TMEM178B: variants seen among roughly 807,000 people sequenced by gnomAD.
TMEM178B encodes the protein transmembrane protein 178B.
In TMEM178B, 5 loss-of-function variants were observed where a neutral mutation model predicts 31.0. The ratio of observed to expected loss-of-function variants is 0.16; its 90% CI spans 0.08 to 0.34. TMEM178B has a LOEUF of 0.34. Among genes scored for constraint, TMEM178B ranks in the 10% least tolerant of loss-of-function variants. The pLI is 1.00. For missense variants in TMEM178B, 275 were observed against 400.3 expected, an observed-to-expected ratio of 0.69 and a Z score of 2.67; for synonymous variants, 164 against 164.0, an observed-to-expected ratio of 1.00 and a Z score of 0.00.
At chr7:141,202,583 A>G (rs1796895592) in intron 1 of TMEM178B, among the ~76,000 whole-genome samples, 1 of 152,266 alleles carries the variant, frequency 6.6e-6, no homozygotes, top group Non-Finnish European at 1.5e-5. Flanking sequence ...AATGCATTTG[A>G]AAGCATTGAA....
chr7:141,436,992 C>T (rs1801556969), intron 2 of TMEM178B, among the ~76,000 whole-genome samples: 1 of 152,128 alleles, frequency 6.6e-6, no homozygotes, highest in African/African-American at 2.4e-5. Context: ...GCCCTGCATG[C>T]AGGGAAAGCT....
intron 2 of TMEM178B, among the ~76,000 whole-genome samples, chr7:141,379,422 C>T (rs1007205327): frequency 8.5e-5 from 13 of 152,124 alleles, no homozygotes; most frequent in Non-Finnish European, 1.5e-4. Flanking sequence ...GAGGCCGAAG[C>T]CGCAGTGAGC....
chr7:141,329,513 C>T (rs1356998057), intron 2 of TMEM178B, among the ~76,000 whole-genome samples: 1 of 152,186 alleles, frequency 6.6e-6, no homozygotes, highest in Non-Finnish European at 1.5e-5. Context: ...GCCTTTTATT[C>T]CTCTTCCACA....
intron 2 of TMEM178B, among the ~76,000 whole-genome samples, chr7:141,219,563 A>G (rs1352631496): frequency 6.6e-6 from 1 of 152,188 alleles, no homozygotes; most frequent in Non-Finnish European, 1.5e-5. Context: ...ACAGCGTGTC[A>G]TCATAGGTTG....
intron 1 of TMEM178B, among the ~76,000 whole-genome samples, chr7:141,116,299 C>T (rs1795317398): frequency 6.6e-6 from 1 of 152,148 alleles, no homozygotes; most frequent in Admixed American, 6.5e-5. Context: ...GTATGTTTCC[C>T]TCTGCCCTGT....
chr7:141,092,873 T>C (rs1483000660), intron 1 of TMEM178B, among the ~76,000 whole-genome samples: 1 of 152,110 alleles, frequency 6.6e-6, no homozygotes, highest in Admixed American at 6.6e-5. Context: ...CATGAGGAAC[T>C]AGCTATGGGG....
intron 1 of TMEM178B, among the ~76,000 whole-genome samples, chr7:141,168,305 G>A (rs1233988307): frequency 6.6e-6 from 1 of 152,124 alleles, no homozygotes; most frequent in Non-Finnish European, 1.5e-5. Context: ...AAACTTCATG[G>A]CATCTCCTTC....
chr7:141,509,075 A>T, the TMEM178B span, among the ~76,000 whole-genome samples: 1 of 152,180 alleles, frequency 6.6e-6, no homozygotes, highest in African/African-American at 2.4e-5. Flanking sequence ...GAAACAGTAG[A>T]CCTCAGGAAG....
chr7:141,218,649 G>A (rs554394145), intron 2 of TMEM178B, among the ~76,000 whole-genome samples: 2 of 152,084 alleles, frequency 1.3e-5, no homozygotes, highest in East Asian at 1.9e-4. Context: ...AGCCCAACCC[G>A]GCCCCCCACA....
At position 141,474,907 on chromosome 7, in the gene TMEM178B, A is replaced by T. The variant is rs1262103489; in HGVS notation, c.*4121A>T. 1.3e-5 allele frequency: 2 copies of T among 152,128 alleles called. No homozygotes were observed. The highest frequency in any genetic ancestry group is 4.8e-5 in the African/African-American group (2 of 41,414). 9.4% of individuals were successfully genotyped at this position (152,128 alleles called of 1,614,324 possible). A position where few individuals can be genotyped will look rare whatever the true frequency, so the allele number is the denominator to read the frequency against. On this transcript the variant is annotated 3_prime_UTR_variant, in exon 4 of 4. Transcript: ENST00000565468. ...CTCTCTTCACCTGGATTATGTGCTGAGTGTTAAGTGATTTTTCAAATATCT... is the reference window on the plus strand; with the variant it reads ...CTCTCTTCACCTGGATTATGTGCTGTGTGTTAAGTGATTTTTCAAATATCT...
rs183104907 is a variant in TMEM178B, at chr7:141,193,108, C to T, written c.383-19483C>T. Among the ~76,000 whole-genome samples, 232 of 152,306 alleles carry T rather than the reference C, an allele frequency of 1.5e-3. 2 individuals are homozygous for T. The highest frequency in any genetic ancestry group is 5.4e-3 in the African/African-American group (226 of 41,576). ...TCCAGTCAAGCCCTGCCCCTGCAGCCTGCTTCTCCTATGAGGCGGTGGCCC... is the reference window on the plus strand; with the variant it reads ...TCCAGTCAAGCCCTGCCCCTGCAGCTTGCTTCTCCTATGAGGCGGTGGCCC... On this transcript the variant is annotated intron_variant, in intron 1 of 3. Transcript: ENST00000565468.
At chr7:141,271,091 T>C (rs1247482841) in intron 2 of TMEM178B, among the ~76,000 whole-genome samples, 1 of 152,186 alleles carries the variant, frequency 6.6e-6, no homozygotes, top group Non-Finnish European at 1.5e-5. Flanking sequence ...GTCTCCTCCA[T>C]TTATCTGTTG....
chr7:141,200,300 G>A (rs971843822), intron 1 of TMEM178B, among the ~76,000 whole-genome samples: 7 of 152,120 alleles, frequency 4.6e-5, no homozygotes, highest in Admixed American at 3.9e-4. Flanking sequence ...AGGGAGCTGT[G>A]GAATGCAACG....
intron 2 of TMEM178B, among the ~76,000 whole-genome samples, chr7:141,373,995 G>A (rs1800166075): frequency 6.6e-6 from 1 of 152,208 alleles, no homozygotes; most frequent in African/African-American, 2.4e-5. Context: ...AAATGGCCAT[G>A]ATTTTCAATA....
At chr7:141,241,366 C>T (rs1198700123) in intron 2 of TMEM178B, among the ~76,000 whole-genome samples, 1 of 151,738 alleles carries the variant, frequency 6.6e-6, no homozygotes, top group African/African-American at 2.4e-5. Context: ...CTGAGGTGGG[C>T]GGATCACCTG....
chr7:141,494,901 G>A, the TMEM178B span, among the ~76,000 whole-genome samples: 9 of 152,328 alleles, frequency 5.9e-5, no homozygotes, highest in South Asian at 1.7e-3. Flanking sequence ...TATAGGAGGT[G>A]AGGAATTGGT....
intron 2 of TMEM178B, among the ~76,000 whole-genome samples, chr7:141,372,136 C>T (rs1800128650): frequency 1.3e-5 from 2 of 152,162 alleles, no homozygotes; most frequent in African/African-American, 4.8e-5. Context: ...GTCTGACTCT[C>T]ACCACTCCCT....
chr7:141,106,724 C>A (rs1461405033), intron 1 of TMEM178B, among the ~76,000 whole-genome samples: 2 of 152,228 alleles, frequency 1.3e-5, no homozygotes, highest in Non-Finnish European at 2.9e-5. Context: ...ACCATCTTCA[C>A]TCCTGGATAA....
chr7:141,249,998 C>A (rs1317793906), intron 2 of TMEM178B, among the ~76,000 whole-genome samples: 2 of 152,120 alleles, frequency 1.3e-5, no homozygotes, highest in Admixed American at 6.5e-5. Flanking sequence ...GAGATGAATT[C>A]TTTTTAAAGA....
Sources: gnomAD v4.1 joint callset for allele counts (sites outside exome capture counted in the v4.1 genomes callset) on GRCh38, gnomAD v4.1.1 for gene constraint, MANE v1.5 for transcripts, NCBI Gene and HGNC (gene_info 2026-07-23, HGNC 2026-07-21) for gene names.